Variants in FBXO34 observed in about 807,000 individuals in gnomAD.
FBXO34 encodes F-box protein 34.
A neutral mutation model predicts 24.5 loss-of-function variants in FBXO34; 12 were observed. The ratio of observed to expected loss-of-function variants is 0.49; its 90% confidence interval spans 0.31 to 0.79. The LOEUF (loss-of-function observed/expected upper bound fraction) is 0.79. Among genes scored for constraint, FBXO34 ranks in the 30% least tolerant of loss-of-function variants. FBXO34 has a pLI of 0.04. For synonymous variants in FBXO34, 320 were observed against 311.9 expected (o/e 1.03, Z -0.27); for missense variants, 823 against 857.7 (o/e 0.96, Z 0.51).
the FBXO34 span, among the ~76,000 whole-genome samples, chr14:55,427,859 G>A: frequency 6.6e-6 from 1 of 151,570 alleles, no homozygotes; most frequent in Non-Finnish European, 1.5e-5. Flanking sequence ...ACACAGATAG[G>A]GGACAAACTA....
chr14:55,388,461 G>C, the FBXO34 span, among the ~76,000 whole-genome samples: 5 of 152,190 alleles, frequency 3.3e-5, no homozygotes, highest in Non-Finnish European at 5.9e-5. Context: ...GTTTGGTGCT[G>C]TATCTGTAAT....
At chr14:55,332,868 G>A (rs1395249981) in intron 1 of FBXO34, among the ~76,000 whole-genome samples, 1 of 152,204 alleles carries the variant, frequency 6.6e-6, no homozygotes, top group Admixed American at 6.5e-5. Context: ...GGCACTGTTT[G>A]TGGTGACATG....
chr14:55,338,636 T>C (rs1883875187), intron 1 of FBXO34, among the ~76,000 whole-genome samples: 1 of 151,932 alleles, frequency 6.6e-6, no homozygotes, highest in Admixed American at 6.6e-5. Context: ...AGGCCAGGCG[T>C]GGTGCCTCAC....
chr14:55,318,146 T>C (rs535933700), intron 1 of FBXO34: 22 of 151,936 alleles, frequency 1.4e-4, no homozygotes, highest in African/African-American at 5.1e-4. Flanking sequence ...CTCCAGTTCT[T>C]TTTGACCTGT....
At chr14:55,283,323 C>T (rs576127965) in intron 1 of FBXO34, among the ~76,000 whole-genome samples, 6 of 152,004 alleles carry the variant, frequency 3.9e-5, no homozygotes, top group South Asian at 2.1e-4. Flanking sequence ...ATTTCACAGC[C>T]GATTTATTAC....
At chr14:55,317,555 AT>A (rs1262289622) in intron 1 of FBXO34, among the ~76,000 whole-genome samples, 1 of 152,184 alleles carries the variant, frequency 6.6e-6, no homozygotes, top group Non-Finnish European at 1.5e-5. Flanking sequence ...GTTTTGTTAC[AT>A]TTTGTTATTA....
At chr14:55,390,775 A>G in the FBXO34 span, 1 of 635,984 alleles carries the variant, frequency 1.6e-6, no homozygotes, top group Non-Finnish European at 2.8e-6. Context: ...AGGAAAGATG[A>G]GGGCGAGTAG....
At chr14:55,328,431 C>T (rs567507103) in intron 1 of FBXO34, among the ~76,000 whole-genome samples, 1 of 152,244 alleles carries the variant, frequency 6.6e-6, no homozygotes, top group South Asian at 2.1e-4. Context: ...TAGAGCTGAT[C>T]CCTAGAGATA....
At chr14:55,436,178 A>G in the FBXO34 span, among the ~76,000 whole-genome samples, 4 of 152,242 alleles carry the variant, frequency 2.6e-5, no homozygotes, top group Admixed American at 6.5e-5. Flanking sequence ...TTTTTTCAAA[A>G]CAATGCCTCA....
chr14:55,369,882 C>T, downstream of FBXO34: 2 of 1,614,028 alleles, frequency 1.2e-6, no homozygotes, highest in Non-Finnish European at 1.7e-6. Context: ...TCCACAAATT[C>T]CATGGACTCC....
chr14:55,277,254 G>T (rs1411644483), intron 1 of FBXO34, among the ~76,000 whole-genome samples: 2 of 152,136 alleles, frequency 1.3e-5, no homozygotes, highest in African/African-American at 2.4e-5. Flanking sequence ...CATTAGGGTC[G>T]CATTGTGCTT....
At chr14:55,300,330 C>G (rs1214583918) in intron 1 of FBXO34, among the ~76,000 whole-genome samples, 1 of 152,148 alleles carries the variant, frequency 6.6e-6, no homozygotes, top group Non-Finnish European at 1.5e-5. Flanking sequence ...AGGTGGCTCA[C>G]GCCTGCAATC....
rs116775094 is a variant in FBXO34, at chr14:55,347,682, A to C, written c.-10-2699A>C. Among the ~76,000 whole-genome samples the C allele has an allele frequency of 5.4e-3, 821 of 152,308 alleles. 8 individuals carry two copies. The highest frequency in any genetic ancestry group is 0.019 in the African/African-American group (782 of 41,566). On this transcript the variant is annotated intron_variant, in intron 1 of 1. Transcript: ENST00000313833. ...AATCTTGCTAAAATCTTGCACACAA[A>C]GTGTTAGTTGAGCTGACTTTAAAGC...
downstream of FBXO34, among the ~76,000 whole-genome samples, chr14:55,371,390 A>C (rs10142448): frequency 0.43 from 65,249 of 151,988 alleles, 14,278 homozygotes; most frequent in African/African-American, 0.47. Context: ...TGCTTCCCAG[A>C]TGGATTAAGC....
chr14:55,429,478 C>A, the FBXO34 span, among the ~76,000 whole-genome samples: 11 of 152,162 alleles, frequency 7.2e-5, no homozygotes, highest in African/African-American at 2.7e-4. Flanking sequence ...TAGAAGAGAA[C>A]AATGGCTGGG....
At chr14:55,279,377 G>A (rs1357339865) in intron 1 of FBXO34, among the ~76,000 whole-genome samples, 1 of 151,768 alleles carries the variant, frequency 6.6e-6, no homozygotes, top group Admixed American at 6.6e-5. Flanking sequence ...TATCTGTAAC[G>A]AAAGATCATG....
At chr14:55,279,387 G>A (rs952872293) in intron 1 of FBXO34, among the ~76,000 whole-genome samples, 1 of 152,018 alleles carries the variant, frequency 6.6e-6, no homozygotes, top group Non-Finnish European at 1.5e-5. Context: ...GAAAGATCAT[G>A]TGATAGGAAA....
chr14:55,400,477 T>G, the FBXO34 span, among the ~76,000 whole-genome samples: 1 of 152,188 alleles, frequency 6.6e-6, no homozygotes, highest in African/African-American at 2.4e-5. Flanking sequence ...ACCATATAAT[T>G]TATTTATATA....
the FBXO34 span, among the ~76,000 whole-genome samples, chr14:55,401,397 T>A: frequency 6.6e-6 from 1 of 152,190 alleles, no homozygotes; most frequent in Non-Finnish European, 1.5e-5. Flanking sequence ...TAGGCATACA[T>A]CTTTTTGTTG....
Sources: allele counts gnomAD v4.1 joint callset (sites outside exome capture counted in the v4.1 genomes callset), GRCh38; gene constraint gnomAD v4.1.1; transcripts MANE v1.5; gene names NCBI Gene and HGNC (gene_info 2026-07-23, HGNC 2026-07-21).